Variants in SLC22A3 observed in about 807,000 individuals in gnomAD.
The protein encoded by SLC22A3 is EMT organic cation transporter 3.
In SLC22A3, 51 loss-of-function variants were observed where a neutral mutation model predicts 59.1. The observed-to-expected ratio is 0.86, with a 90% confidence interval of 0.69 to 1.09. The LOEUF (loss-of-function observed/expected upper bound fraction) is 1.09. SLC22A3 is among the 50% of genes least tolerant of loss of function. The pLI is 0.00. For missense variants in SLC22A3, 711 were observed against 726.3 expected (o/e 0.98, Z 0.24); for synonymous variants, 325 against 292.0 (o/e 1.11, Z -1.15).
At chr6:160,421,699 G>A (rs541512639) in intron 5 of SLC22A3, among the ~76,000 whole-genome samples, 225 of 152,304 alleles carry the variant, frequency 1.5e-3, no homozygotes, top group Non-Finnish European at 2.8e-3. Flanking sequence ...TGGGAGTTGT[G>A]TAGGCATCTA....
intron 1 of SLC22A3, chr6:160,349,196 G>C: frequency 1.9e-6 from 1 of 519,322 alleles, no homozygotes; most frequent in Non-Finnish European, 2.5e-6. Context: ...GTGTGCGGGC[G>C]CCGTCATTGG....
rs114938194 is a variant in SLC22A3, at chr6:160,410,481, G to T, written c.858-248G>T. ...GAATCAATATATTGTAAGATAGCCT[G>T]GTTTTGCAAGAGCAATGTCATGTTG... On this transcript the variant is annotated intron_variant, in intron 4 of 10. Coordinates refer to ENST00000275300, the MANE Select transcript of SLC22A3 (RefSeq NM_021977.4). 6.8e-3 allele frequency among the ~76,000 whole-genome samples: 1,042 copies of T among 152,246 alleles called. 11 individuals carry two copies. The highest frequency in any genetic ancestry group is 0.024 in the African/African-American group (1,012 of 41,544).
chr6:160,396,660 A>C (rs1344219500), intron 1 of SLC22A3, among the ~76,000 whole-genome samples: 3 of 152,194 alleles, frequency 2.0e-5, no homozygotes, highest in Non-Finnish European at 2.9e-5. Context: ...TAACTAGAAA[A>C]ACTTAGACTC....
chr6:160,375,607 G>C (rs1785560932), intron 1 of SLC22A3, among the ~76,000 whole-genome samples: 1 of 152,178 alleles, frequency 6.6e-6, no homozygotes, highest in Admixed American at 6.5e-5. Flanking sequence ...TATTCAATTG[G>C]CAAAAATATG....
intron 1 of SLC22A3, among the ~76,000 whole-genome samples, chr6:160,396,150 C>T (rs1459585484): frequency 6.6e-6 from 1 of 152,170 alleles, no homozygotes; most frequent in African/African-American, 2.4e-5. Context: ...TGTACTTTTC[C>T]CACTTTGCAA....
At chr6:160,381,634 G>T (rs1785800044) in intron 1 of SLC22A3, among the ~76,000 whole-genome samples, 1 of 152,184 alleles carries the variant, frequency 6.6e-6, no homozygotes, top group Non-Finnish European at 1.5e-5. Context: ...TAAACTCGTT[G>T]ATTTTATTTT....
chr6:160,452,220 G>C lies in SLC22A3; in HGVS notation c.*1164G>C, dbSNP rs1788994993. On this transcript the variant is annotated 3_prime_UTR_variant, in exon 11 of 11. Coordinates refer to ENST00000275300, the MANE Select transcript of SLC22A3 (RefSeq NM_021977.4). ...AGATGCAGTCTATATTTTATGCTGAGTTTTAAAAATGAAATACTTTATGCA... is the reference window on the plus strand; with the variant it reads ...AGATGCAGTCTATATTTTATGCTGACTTTTAAAAATGAAATACTTTATGCA... The C allele has an allele frequency of 6.6e-6, 1 of 152,126 alleles. No individual in the cohort carries two copies. Among genetic ancestry groups the C allele is most frequent in the Non-Finnish European group, 1.5e-5 (1 of 68,026 alleles). 9.4% of individuals were successfully genotyped at this position (152,126 alleles called of 1,614,324 possible).
chr6:160,433,252 T>G (rs1788218814), intron 5 of SLC22A3, among the ~76,000 whole-genome samples: 1 of 152,196 alleles, frequency 6.6e-6, no homozygotes, highest in Non-Finnish European at 1.5e-5. Context: ...AATTCTGTGG[T>G]CATTGAGTGA....
intron 1 of SLC22A3, among the ~76,000 whole-genome samples, chr6:160,358,232 G>C (rs1277530987): frequency 6.6e-6 from 1 of 152,192 alleles, no homozygotes; most frequent in African/African-American, 2.4e-5. Context: ...GAATTTGAGG[G>C]TTTTTGAGCT....
chr6:160,406,776 C>T (rs992744611), intron 2 of SLC22A3, among the ~76,000 whole-genome samples: 9 of 152,132 alleles, frequency 5.9e-5, no homozygotes, highest in Admixed American at 3.9e-4. Flanking sequence ...TCTGTACCAC[C>T]GGGGAGACTC....
In SLC22A3 at chr6:160,407,038, A is replaced by C. The variant is rs1341091393; in HGVS notation, c.534-3A>C. The C allele has an allele frequency of 1.9e-5, 30 of 1,612,864 alleles. No individual in the cohort carries two copies. The highest frequency in any genetic ancestry group is 2.4e-5 in the Non-Finnish European group (28 of 1,179,422). On this transcript the variant is annotated splice_polypyrimidine_tract_variant and splice_region_variant and intron_variant, in intron 2 of 10. Coordinates refer to ENST00000275300, the MANE Select transcript of SLC22A3 (RefSeq NM_021977.4). The stretch of plus-strand genomic sequence containing the variant: ...GAGCTCTTTTCCTGTCTTTCTCAAA[A>C]AGGTATGGCAGGATCGTCATTTACT...
chr6:160,439,421 T>TAC (rs1788465432), intron 7 of SLC22A3, among the ~76,000 whole-genome samples: 1 of 151,906 alleles, frequency 6.6e-6, no homozygotes, highest in African/African-American at 2.4e-5. Context: ...CATTTCATGA[T>TAC]ATATATATAT....
intron 1 of SLC22A3, among the ~76,000 whole-genome samples, chr6:160,351,846 C>T (rs1365089046): frequency 3.3e-5 from 5 of 152,172 alleles, no homozygotes; most frequent in South Asian, 4.1e-4. Context: ...CAGGGTCCCA[C>T]GCCATTTATG....
rs1788599490 is a variant in SLC22A3, at chr6:160,442,812, C to A, written c.1340C>A (p.Thr447Asn). The A allele has an allele frequency of 6.2e-7, 1 of 1,614,070 alleles. No homozygotes were observed. ...TVATLGRLGITMAFEIVYLVN... is the reference protein window; with the variant it reads ...TVATLGRLGINMAFEIVYLVN... The stretch of plus-strand genomic sequence containing the variant: ...GCTACATTGGGAAGACTAGGGATAA[C>A]CATGGCCTTTGAAATTGTTTATTTG... Residue 447 changes from threonine to asparagine, a missense_variant, in exon 8 of 11, where the codon ACC (threonine) becomes AAC (asparagine). Thr to Asn is a moderately conservative substitution (Grantham distance 65, BLOSUM62 0). Coordinates refer to ENST00000275300, the MANE Select transcript of SLC22A3 (RefSeq NM_021977.4).
chr6:160,439,568 A>G (rs57526688), intron 7 of SLC22A3, among the ~76,000 whole-genome samples: 345 of 152,364 alleles, frequency 2.3e-3, no homozygotes, highest in African/African-American at 7.7e-3. Flanking sequence ...GGATAGTCAT[A>G]TAACTATTTT....
chr6:160,436,271 C>T (rs927413038), intron 5 of SLC22A3, among the ~76,000 whole-genome samples: 16 of 152,102 alleles, frequency 1.1e-4, no homozygotes, highest in Non-Finnish European at 1.9e-4. Context: ...TTGAAAAGAC[C>T]AGTTTCTTGG....
chr6:160,443,903 ATAAC>A (rs1285957719), intron 9 of SLC22A3, among the ~76,000 whole-genome samples, 161 bp downstream of exon 9: 1 of 152,116 alleles, frequency 6.6e-6, no homozygotes, highest in Admixed American at 6.5e-5. Context: ...TCTTATTATA[ATAAC>A]TATTTCAGTT....
intron 2 of SLC22A3, among the ~76,000 whole-genome samples, chr6:160,402,388 C>T (rs1278956510): frequency 6.6e-6 from 1 of 151,704 alleles, no homozygotes; most frequent in Non-Finnish European, 1.5e-5. Flanking sequence ...TTATAAGAGG[C>T]AAAAACTGTG....
intron 2 of SLC22A3, among the ~76,000 whole-genome samples, chr6:160,400,326 C>G (rs1786716839): frequency 6.6e-6 from 1 of 151,950 alleles, no homozygotes; most frequent in African/African-American, 2.4e-5. Flanking sequence ...AACTCCAGCC[C>G]CTTCTAGCCT....
Sources: gnomAD v4.1 joint callset for allele counts (sites outside exome capture counted in the v4.1 genomes callset) on GRCh38, gnomAD v4.1.1 for gene constraint, MANE v1.5 for transcripts, NCBI Gene and HGNC (gene_info 2026-07-23, HGNC 2026-07-21) for gene names.